The following DIS3L2 variants were observed in gnomAD, a reference collection of about 807,000 sequenced individuals.
DIS3L2 encodes DIS3-like exonuclease 2.
A neutral mutation model predicts 97.5 loss-of-function variants in DIS3L2; 34 were observed. The observed-to-expected ratio is 0.35, with a 90% CI of 0.27 to 0.46. The LOEUF (loss-of-function observed/expected upper bound fraction) is 0.46, where lower values mean the gene tolerates loss of function less well. Ranked by LOEUF, DIS3L2 falls within the 20% of genes least tolerant of loss-of-function variation. The probability of loss-of-function intolerance (pLI) is 1.00; values close to 1 mark genes in which losing one functional copy is unlikely to be tolerated. For missense variants in DIS3L2, 1,038 were observed against 1,146.0 expected, an observed-to-expected ratio of 0.91 and a Z score of 1.36; for synonymous variants, 435 against 445.2, an observed-to-expected ratio of 0.98 and a Z score of 0.29.
intron 1 of DIS3L2, among the ~76,000 whole-genome samples, chr2:231,993,507 C>A (rs553129270): frequency 1.5e-3 from 224 of 152,296 alleles, no homozygotes; most frequent in Non-Finnish European, 2.5e-3. Flanking sequence ...AGCCACCGCG[C>A]CTGGCTGAGA....
chr2:232,012,993 C>T (rs1226839910), intron 1 of DIS3L2, among the ~76,000 whole-genome samples: 1 of 152,178 alleles, frequency 6.6e-6, no homozygotes, highest in Non-Finnish European at 1.5e-5. Flanking sequence ...GCATATAATA[C>T]TCCAAGTAGA....
At chr2:232,330,180 G>A (rs1695694961) in intron 15 of DIS3L2, among the ~76,000 whole-genome samples, 184 bp downstream of exon 15, 1 of 152,190 alleles carries the variant, frequency 6.6e-6, no homozygotes, top group African/African-American at 2.4e-5. Context: ...CCCTGACAGT[G>A]GGACCTGCCC....
intron 10 of DIS3L2, among the ~76,000 whole-genome samples, chr2:232,215,414 C>G (rs1428479453): frequency 6.6e-6 from 1 of 152,206 alleles, no homozygotes; most frequent in Non-Finnish European, 1.5e-5. Context: ...GTTAGAACAG[C>G]ATCCAGCCTA....
At position 232,116,213 on chromosome 2, in the gene DIS3L2, A is replaced by T. The variant is rs535157474; in HGVS notation, c.602-14406A>T. On this transcript the variant is annotated intron_variant, in intron 6 of 20. Coordinates refer to ENST00000325385, the MANE Select transcript of DIS3L2 (RefSeq NM_152383.5). ...AAATAAATAAATAAATAAATAAATAAATAAATAAAACAGATGAATACTATT... is the reference window on the plus strand; with the variant it reads ...AAATAAATAAATAAATAAATAAATATATAAATAAAACAGATGAATACTATT... 2.0e-5 allele frequency among the ~76,000 whole-genome samples: 3 copies of T among 151,816 alleles called. No individual in the cohort carries two copies. The South Asian group carries it at 6.2e-4, about 32-fold the overall frequency.
intron 5 of DIS3L2, among the ~76,000 whole-genome samples, chr2:232,073,185 T>C (rs978356657): frequency 2.0e-5 from 3 of 152,144 alleles, no homozygotes; most frequent in African/African-American, 7.2e-5. Flanking sequence ...TTGTCCCGAG[T>C]GTGCCATTAA....
chr2:232,224,399 A>G (rs561672870), intron 10 of DIS3L2, among the ~76,000 whole-genome samples: 50 of 152,238 alleles, frequency 3.3e-4, no homozygotes, highest in Admixed American at 8.5e-4. Context: ...TAGCACTTCT[A>G]AAGATAACAT....
chr2:232,225,489 T>A (rs1196166511), intron 10 of DIS3L2, among the ~76,000 whole-genome samples: 1 of 152,100 alleles, frequency 6.6e-6, no homozygotes, highest in Non-Finnish European at 1.5e-5. Context: ...ACCATATGAA[T>A]CTAGTTATGT....
intron 8 of DIS3L2, among the ~76,000 whole-genome samples, chr2:232,148,401 C>A (rs570299519): frequency 6.6e-6 from 1 of 152,228 alleles, no homozygotes; most frequent in African/African-American, 2.4e-5. Flanking sequence ...GCTCTTTCAG[C>A]ATGCTGATCT....
At chr2:232,207,460 C>T (rs959474509) in intron 9 of DIS3L2, among the ~76,000 whole-genome samples, 3 of 152,200 alleles carry the variant, frequency 2.0e-5, no homozygotes, top group African/African-American at 7.2e-5. Flanking sequence ...TCGGAGCACG[C>T]ATTCCAGGAG....
chr2:232,154,971 T>A (rs1326628432), intron 8 of DIS3L2, among the ~76,000 whole-genome samples: 7 of 138,228 alleles, frequency 5.1e-5, no homozygotes, highest in Non-Finnish European at 1.6e-5. Flanking sequence ...ATTTTCCAGG[T>A]GCGTCCGTCA....
intron 12 of DIS3L2, among the ~76,000 whole-genome samples, chr2:232,262,940 C>T (rs1229394583): frequency 6.6e-6 from 1 of 152,198 alleles, no homozygotes; most frequent in Admixed American, 6.5e-5. Context: ...CATGCCTTGC[C>T]TGTGCCACTG....
chr2:232,064,452 G>T (rs1019746362), intron 5 of DIS3L2, among the ~76,000 whole-genome samples: 1 of 152,124 alleles, frequency 6.6e-6, no homozygotes, highest in Non-Finnish European at 1.5e-5. Context: ...AGGACATTTT[G>T]GTTGTTTTCA....
chr2:231,963,667 T>G (rs1692629335), intron 1 of DIS3L2, among the ~76,000 whole-genome samples: 1 of 152,200 alleles, frequency 6.6e-6, no homozygotes, highest in Admixed American at 6.5e-5. Flanking sequence ...TTTGCCAAGG[T>G]CAGTGTCAAG....
intron 1 of DIS3L2, among the ~76,000 whole-genome samples, chr2:231,999,933 T>C (rs1012389904): frequency 2.6e-5 from 4 of 152,192 alleles, no homozygotes; most frequent in East Asian, 3.8e-4. Context: ...CATATACTTA[T>C]CATTTTTTTG....
At chr2:232,273,601 A>G (rs927540903) in intron 13 of DIS3L2, among the ~76,000 whole-genome samples, 1 of 152,180 alleles carries the variant, frequency 6.6e-6, no homozygotes, top group Non-Finnish European at 1.5e-5. Context: ...CTCAAGGTGG[A>G]GTTGCCTGAA....
chr2:232,228,453 G>A (rs1047615846), intron 10 of DIS3L2, among the ~76,000 whole-genome samples: 11 of 152,084 alleles, frequency 7.2e-5, no homozygotes, highest in African/African-American at 2.7e-4. Flanking sequence ...AAGAGATGAC[G>A]ACACATGCCA....
In DIS3L2 at chr2:232,325,840, A is replaced by T. The variant is rs1401881182; in HGVS notation, c.1740-3973A>T. Among the ~76,000 whole-genome samples the T allele has an allele frequency of 1.3e-5, 2 of 152,142 alleles. No homozygotes were observed. Among genetic ancestry groups the T allele is most frequent in the Admixed American group, 1.3e-4 (2 of 15,280 alleles). The stretch of plus-strand genomic sequence containing the variant: ...TCACGCCTGTGCCCCTGGTGCTGGG[A>T]GGAGTGGGGTGACACTAGGGCCAGT... On this transcript the variant is annotated intron_variant, in intron 14 of 20. Coordinates refer to ENST00000325385, the MANE Select transcript of DIS3L2 (RefSeq NM_152383.5). This position sits in a 1 kb window ranked among gnomAD's most constrained non-coding sequence, Gnocchi z 4.6.
intron 13 of DIS3L2, among the ~76,000 whole-genome samples, chr2:232,270,898 C>G (rs1371152416): frequency 8.8e-5 from 13 of 147,182 alleles, no homozygotes; most frequent in African/African-American, 2.9e-4. Flanking sequence ...CTCTCTCTCT[C>G]TCTCTCTCTC....
At position 232,136,486 on chromosome 2, in the gene DIS3L2, G is replaced by A. The variant is rs1698361387; in HGVS notation, c.717G>A (p.Leu239=). 1.2e-6 allele frequency: 2 copies of A among 1,613,732 alleles called. No individual in the cohort carries two copies. Among genetic ancestry groups the A allele is most frequent in the African/African-American group, 2.7e-5 (2 of 74,858 alleles). Residue 239 remains leucine (L), a synonymous_variant, in exon 8 of 21, where the codon TTG becomes TTA. Transcript: ENST00000325385. ...GGTGTTTTTAGGTGGTTTACATCTT[G>A]GAGAAAAAACATTCTCGAGCAGCAA... ...LQRSAKVVYI[L]EKKHSRAATG...
Sources: gnomAD v4.1 joint callset for allele counts (sites outside exome capture counted in the v4.1 genomes callset) on GRCh38, gnomAD v4.1.1 for gene constraint, Gnocchi (gnomAD v3.1) non-coding constraint, MANE v1.5 for transcripts, NCBI Gene and HGNC (gene_info 2026-07-23, HGNC 2026-07-21) for gene names.